Variants in USP18 observed in about 807,000 individuals in gnomAD.
USP18 encodes the protein ubiquitin specific peptidase 18, also known as ubl carboxyl-terminal hydrolase 18.
USP18 carries 11 observed loss-of-function variants against 48.7 expected under a neutral mutation model. The observed-to-expected ratio is 0.23, with a 90% CI of 0.14 to 0.37. The LOEUF is 0.37. Ranked by LOEUF, USP18 falls within the 10% of genes least tolerant of loss-of-function variation. The probability of loss-of-function intolerance (pLI) is 1.00; values close to 1 mark genes in which losing one functional copy is unlikely to be tolerated. For missense variants in USP18, 285 were observed against 436.4 expected, an observed-to-expected ratio of 0.65 and a Z score of 3.09; for synonymous variants, 114 against 163.2, an observed-to-expected ratio of 0.70 and a Z score of 2.30.
chr22:18,163,286 C>A (rs1453696428), intron 4 of USP18, among the ~76,000 whole-genome samples: 2 of 152,060 alleles, frequency 1.3e-5, no homozygotes, highest in Non-Finnish European at 2.9e-5. Context: ...TTGCTTGGAA[C>A]ATATTTCTCT....
chr22:18,163,456 A>T (rs1178588115), intron 4 of USP18, among the ~76,000 whole-genome samples: 3 of 152,030 alleles, frequency 2.0e-5, no homozygotes, highest in Non-Finnish European at 4.4e-5. Context: ...ATCCTGGCTA[A>T]CACGGTGAAA....
chr22:18,176,197 G>A (rs1569214030), intron 10 of USP18, among the ~76,000 whole-genome samples: 1 of 75,700 alleles, frequency 1.3e-5, no homozygotes, highest in Admixed American at 1.3e-4. Flanking sequence ...AGGGAGAATC[G>A]TTTGAACCTG....
chr22:18,155,549 G>T (rs1306260264), intron 1 of USP18, among the ~76,000 whole-genome samples: 2 of 152,224 alleles, frequency 1.3e-5, no homozygotes, highest in African/African-American at 4.8e-5. Flanking sequence ...GGGAACTGGG[G>T]CTGCACGCGG....
In USP18 at chr22:18,162,761, G is replaced by T. The variant is rs572550771; in HGVS notation, c.400+826G>T. Among the ~76,000 whole-genome samples the T allele has an allele frequency of 2.0e-5, 3 of 152,294 alleles. No individual in the cohort carries two copies. The East Asian group carries it at 5.8e-4, about 29-fold the overall frequency. ...CACTTACACAAATTTAGATGGGACA[G>T]CCTACTACACAGCTAGGCTGCATGC... On this transcript the variant is annotated intron_variant, in intron 4 of 10. Coordinates refer to ENST00000215794, the MANE Select transcript of USP18 (RefSeq NM_017414.4).
chr22:18,168,093 G>A lies in USP18; in HGVS notation c.627+57G>A, dbSNP rs527767531. On this transcript the variant is annotated intron_variant, in intron 6 of 10. Coordinates refer to ENST00000215794, the MANE Select transcript of USP18 (RefSeq NM_017414.4). ...TGTATGTGTTAGTCCATTTTCTGTT[G>A]TTATAACTCAATATCTGAGACTAGG... 17 of 1,598,812 alleles carry A rather than the reference G, an allele frequency of 1.1e-5. No homozygotes were observed. In the East Asian group the frequency reaches 3.1e-4, roughly 30 times the overall value.
At chr22:18,160,716 T>C (rs2123732084) in intron 3 of USP18, among the ~76,000 whole-genome samples, 1 of 152,072 alleles carries the variant, frequency 6.6e-6, no homozygotes, top group South Asian at 2.1e-4. Context: ...GGCCTACACA[T>C]TATTTCTAAA....
At position 18,175,077 on chromosome 22, in the gene USP18, C is replaced by A. The variant is rs1929747478; in HGVS notation, c.1073+1235C>A. Among the ~76,000 whole-genome samples the A allele has an allele frequency of 2.6e-5, 4 of 152,218 alleles. No individual in the cohort carries two copies. The South Asian group carries it at 8.3e-4, about 32-fold the overall frequency. On this transcript the variant is annotated intron_variant, in intron 10 of 10. Transcript: ENST00000215794. ...TACAGGCGCCCGCCACCACGCCTGG[C>A]TAATTTTTTGTATTTTTAGTAGAGA...
intron 2 of USP18, among the ~76,000 whole-genome samples, chr22:18,158,302 A>G (rs1423666937): frequency 1.3e-5 from 2 of 152,086 alleles, no homozygotes; most frequent in Non-Finnish European, 2.9e-5. Flanking sequence ...AAACAAACAA[A>G]CAAATGGGGG....
At chr22:18,156,767 A>G (rs1929158098) in intron 1 of USP18, among the ~76,000 whole-genome samples, 1 of 152,258 alleles carries the variant, frequency 6.6e-6, no homozygotes, top group African/African-American at 2.4e-5. Context: ...ATCAGAAGGA[A>G]TAAACTGCGG....
At chr22:18,153,157 G>A (rs539048918) in intron 1 of USP18, among the ~76,000 whole-genome samples, 39 of 152,224 alleles carry the variant, frequency 2.6e-4, no homozygotes, top group Non-Finnish European at 4.6e-4. Context: ...GGCTGGGCGC[G>A]GTGGCTCATG....
intron 8 of USP18, among the ~76,000 whole-genome samples, chr22:18,172,633 C>T (rs907834660): frequency 4.6e-5 from 7 of 151,006 alleles, no homozygotes; most frequent in African/African-American, 1.7e-4. Flanking sequence ...TTCTTGTAAA[C>T]TAATATTTAG....
At chr22:18,157,428 A>C in intron 1 of USP18, 130 bp from the exon 2 acceptor site, 1 of 501,846 alleles carries the variant, frequency 2.0e-6, no homozygotes. Context: ...TTTCCAGCCT[A>C]GAGCTCTATG....
Position 18,167,345 on chromosome 22 carries a change from A to G in USP18, c.480+11A>G, listed in dbSNP as rs765831659. The stretch of plus-strand genomic sequence containing the variant: ...ACTGATGTGCACTTGGTAAGAACCT[A>G]GAACCAGAGCACTCGGAAGCTTAAG... On this transcript the variant is annotated intron_variant, in intron 5 of 10. Transcript: ENST00000215794. The G allele has an allele frequency of 1.4e-5, 22 of 1,613,580 alleles. 2 individuals carry two copies. In the South Asian group the frequency reaches 2.4e-4, roughly 18 times the overall value.
rs532946106 is a variant in USP18, at chr22:18,168,409, T to C, written c.627+373T>C. Among the ~76,000 whole-genome samples, 957 of 147,326 alleles carry C rather than the reference T, an allele frequency of 6.5e-3. 8 individuals are homozygous for C. Among genetic ancestry groups the C allele is most frequent in the Non-Finnish European group, 0.01 (685 of 66,626 alleles). ...ATGCAATAACCTCCCCCCCCCCTTTTTTTTGGAGACAGAGTCTTCCTCTGT... is the reference window on the plus strand; with the variant it reads ...ATGCAATAACCTCCCCCCCCCCTTTCTTTTGGAGACAGAGTCTTCCTCTGT... On this transcript the variant is annotated intron_variant, in intron 6 of 10. Transcript: ENST00000215794.
chr22:18,165,720 G>T (rs1216835346), intron 4 of USP18, among the ~76,000 whole-genome samples: 2 of 151,522 alleles, frequency 1.3e-5, no homozygotes, highest in African/African-American at 4.9e-5. Flanking sequence ...ACCCACCAGG[G>T]AACTCTCCCT....
At chr22:18,158,018 G>A (rs753765193) in intron 2 of USP18, among the ~76,000 whole-genome samples, 198 bp downstream of exon 2, 6 of 152,128 alleles carry the variant, frequency 3.9e-5, no homozygotes, top group South Asian at 4.1e-4. Flanking sequence ...GGTCGGGCGC[G>A]GTGGCTCATG....
chr22:18,166,108 G>T (rs1929471091), intron 4 of USP18, among the ~76,000 whole-genome samples: 1 of 152,164 alleles, frequency 6.6e-6, no homozygotes, highest in Non-Finnish European at 1.5e-5. Flanking sequence ...GCTTTTCGCT[G>T]CATAGGTACT....
At chr22:18,165,037 GTTTCT>G (rs1225102359) in intron 4 of USP18, among the ~76,000 whole-genome samples, 3 of 148,660 alleles carry the variant, frequency 2.0e-5, no homozygotes, top group Non-Finnish European at 4.5e-5. Flanking sequence ...TGGTTTCTGG[GTTTCT>G]TTCAGAGGGA....
At chr22:18,156,538 A>G (rs1357112287) in intron 1 of USP18, among the ~76,000 whole-genome samples, 3 of 150,726 alleles carry the variant, frequency 2.0e-5, no homozygotes, top group Admixed American at 1.3e-4. Context: ...GGGACTAACA[A>G]CTCCAGACGC....
Sources: gnomAD v4.1 joint callset for allele counts (sites outside exome capture counted in the v4.1 genomes callset) on GRCh38, gnomAD v4.1.1 for gene constraint, MANE v1.5 for transcripts, NCBI Gene and HGNC (gene_info 2026-07-23, HGNC 2026-07-21) for gene names.